ARID1B: variants seen among roughly 807,000 people sequenced by gnomAD.
The protein encoded by ARID1B is AT-rich interactive domain-containing protein 1B.
A neutral mutation model predicts 212.3 loss-of-function variants in ARID1B; 30 were observed. The observed-to-expected ratio is 0.14, with a 90% confidence interval of 0.11 to 0.19. The LOEUF (loss-of-function observed/expected upper bound fraction) is 0.19. Ranked by LOEUF, ARID1B falls within the 10% of genes least tolerant of loss-of-function variation. The pLI, the probability that ARID1B is intolerant of heterozygous loss-of-function variation, is 1.00. For missense variants in ARID1B, 2,891 were observed against 3,204.0 expected (o/e 0.90, Z 2.36); for synonymous variants, 1,402 against 1,301.7 (o/e 1.08, Z -1.66).
chr6:157,106,421 T>C (rs1482349809), intron 5 of ARID1B, among the ~76,000 whole-genome samples: 3 of 152,180 alleles, frequency 2.0e-5, no homozygotes, highest in Non-Finnish European at 2.9e-5. Context: ...TCATTCGGAT[T>C]GTGGCAGCTT....
intron 4 of ARID1B, among the ~76,000 whole-genome samples, chr6:156,997,452 A>G (rs1017532617): frequency 6.6e-6 from 1 of 152,180 alleles, no homozygotes; most frequent in Non-Finnish European, 1.5e-5. Context: ...CGTCACTGTC[A>G]TGAATTCTTA....
rs999787713 is a variant in ARID1B at position 157,206,825 on chromosome 6, G to A, written c.6053G>A (p.Gly2018Glu). ...PGALPEDANPGPQTESSKFPF... is the reference protein window; with the variant it reads ...PGALPEDANPEPQTESSKFPF... The stretch of plus-strand genomic sequence containing the variant: ...GCATTGCCTGAAGACGCAAACCCTG[G>A]GCCCCAGACCGAAAGCAGTAAGTTT... The change falls in exon 20 of 20, where the codon GGG becomes GAG. Residue 2018 changes from glycine (G) to glutamate (E), a missense_variant. Gly to Glu is a moderately conservative substitution (Grantham distance 98). This residue lies in a region of ARID1B where 332 missense variants were observed against 369.2 expected (regional missense o/e 0.90). Transcript: ENST00000636930. This position sits in a 1 kb window ranked among gnomAD's most constrained non-coding sequence, Gnocchi z 6.8. 5.6e-6 allele frequency: 9 copies of A among 1,613,878 alleles called. No homozygotes were observed. Among genetic ancestry groups the A allele is most frequent in the African/African-American group, 2.7e-5 (2 of 74,892 alleles).
In ARID1B at chr6:156,990,713, A is replaced by G. The variant is rs528706393; in HGVS notation, c.2247+55137A>G. ...CATCTTGTTTTCCAAGCTGGTCTCA[A>G]ACTCCTGGCCTCAAGCCATCCTCCT... On this transcript the variant is annotated intron_variant, in intron 4 of 19. Coordinates refer to ENST00000636930, the MANE Select transcript of ARID1B (RefSeq NM_001374828.1). Among the ~76,000 whole-genome samples the G allele has an allele frequency of 5.3e-4, 80 of 152,210 alleles. 1 individual carries two copies. In the South Asian group the frequency reaches 0.013, roughly 25 times the overall value.
chr6:157,184,089 A>T, intron 12 of ARID1B, 142 bp from the exon 13 acceptor site: 1 of 713,492 alleles, frequency 1.4e-6, no homozygotes, highest in Non-Finnish European at 2.3e-6. Flanking sequence ...CTGCCTATGC[A>T]CTGCTGAGTG....
chr6:156,820,573 C>T (rs900881852), intron 1 of ARID1B, among the ~76,000 whole-genome samples: 3 of 152,038 alleles, frequency 2.0e-5, no homozygotes, highest in African/African-American at 7.3e-5. Context: ...GTGATAAATC[C>T]TGTGGTATCT....
chr6:156,794,570 CTTTTTTTTTTTTTTT>C (rs34848808), intron 1 of ARID1B, among the ~76,000 whole-genome samples: 8 of 67,978 alleles, frequency 1.2e-4, no homozygotes, highest in African/African-American at 2.8e-4. Context: ...CTGGCACATT[CTTTTTTTTTTTTTTT>C]TTTTTTTTTT....
chr6:157,052,000 A>C (rs187318078), intron 4 of ARID1B, among the ~76,000 whole-genome samples: 117 of 152,314 alleles, frequency 7.7e-4, no homozygotes, highest in African/African-American at 2.5e-3. Context: ...AATTATTTTG[A>C]AAATGCCACC....
intron 4 of ARID1B, among the ~76,000 whole-genome samples, chr6:156,972,673 A>G (rs922037226): frequency 6.6e-6 from 1 of 152,086 alleles, no homozygotes; most frequent in Non-Finnish European, 1.5e-5. Context: ...TTAAACCCTC[A>G]TTCTCCCCTT....
chr6:157,098,458 C>T (rs925809081), intron 5 of ARID1B, among the ~76,000 whole-genome samples: 2 of 152,110 alleles, frequency 1.3e-5, no homozygotes, highest in African/African-American at 4.8e-5. Flanking sequence ...GAATTGTATG[C>T]CTGAGCTTTA....
intron 4 of ARID1B, among the ~76,000 whole-genome samples, chr6:157,001,895 G>A (rs1778935399): frequency 6.6e-6 from 1 of 152,176 alleles, no homozygotes; most frequent in African/African-American, 2.4e-5. Flanking sequence ...GCGATAGGTC[G>A]CACACCTTAC....
chr6:156,842,937 T>C (rs1783997227), intron 2 of ARID1B, among the ~76,000 whole-genome samples: 1 of 152,246 alleles, frequency 6.6e-6, no homozygotes, highest in African/African-American at 2.4e-5. Flanking sequence ...TATTAGATAG[T>C]AGCCTTAAAG....
intron 4 of ARID1B, among the ~76,000 whole-genome samples, chr6:156,957,388 T>G (rs1236356291): frequency 1.3e-5 from 2 of 152,170 alleles, no homozygotes; most frequent in African/African-American, 4.8e-5. Flanking sequence ...CAGGGTCAGC[T>G]TCAGGTAGGA....
chr6:156,795,798 C>T (rs572668938), intron 1 of ARID1B, among the ~76,000 whole-genome samples: 4 of 152,260 alleles, frequency 2.6e-5, no homozygotes, highest in African/African-American at 9.6e-5. Flanking sequence ...GGGTAAAGTA[C>T]AGTACTGGGA....
chr6:156,936,131 T>C, intron 4 of ARID1B: 1 of 152,426 alleles, frequency 6.6e-6, no homozygotes, highest in Non-Finnish European at 1.5e-5. Context: ...TCACTTGAGG[T>C]CGGGAGTTCA....
chr6:156,883,885 A>C (rs1028092741), intron 2 of ARID1B, among the ~76,000 whole-genome samples: 18 of 152,142 alleles, frequency 1.2e-4, no homozygotes, highest in African/African-American at 4.1e-4. Flanking sequence ...TTTCTCTGGC[A>C]ATGGCATTTT....
chr6:157,152,417 A>C (rs1347788664), intron 8 of ARID1B: 1 of 152,136 alleles, frequency 6.6e-6, no homozygotes, highest in Non-Finnish European at 1.5e-5. Flanking sequence ...GAAAAAGAAA[A>C]ATGTTGGCGT....
chr6:156,882,327 CT>C (rs1172631476), intron 2 of ARID1B, among the ~76,000 whole-genome samples: 1 of 152,192 alleles, frequency 6.6e-6, no homozygotes, highest in African/African-American at 2.4e-5. Context: ...CAGAATCTCC[CT>C]GTTTGCCCAT....
intron 2 of ARID1B, among the ~76,000 whole-genome samples, chr6:156,879,563 A>G (rs1387470859): frequency 6.6e-6 from 1 of 152,264 alleles, no homozygotes; most frequent in African/African-American, 2.4e-5. Flanking sequence ...AAAGATTACA[A>G]CAATGGAAAA....
intron 4 of ARID1B, among the ~76,000 whole-genome samples, chr6:157,019,153 T>TG (rs1224580594): frequency 6.6e-6 from 1 of 152,168 alleles, no homozygotes; most frequent in Non-Finnish European, 1.5e-5. Flanking sequence ...TTAAGCAGAA[T>TG]GACATGTTCA....
Sources: gnomAD v4.1 joint callset for allele counts (sites outside exome capture counted in the v4.1 genomes callset) on GRCh38, gnomAD v4.1.1 for gene constraint, gnomAD v4.1.1 regional missense constraint, Gnocchi (gnomAD v3.1) non-coding constraint, MANE v1.5 for transcripts, NCBI Gene and HGNC (gene_info 2026-07-23, HGNC 2026-07-21) for gene names.